Variants in COL16A1 observed in about 807,000 individuals in gnomAD.
COL16A1 encodes the protein collagen type XVI alpha 1 chain.
A neutral mutation model predicts 266.3 loss-of-function variants in COL16A1; 189 were observed. The ratio of observed to expected loss-of-function variants is 0.71; its 90% CI spans 0.63 to 0.80. The LOEUF (loss-of-function observed/expected upper bound fraction) is 0.80, where lower values mean the gene tolerates loss of function less well. COL16A1 is among the 30% of genes least tolerant of loss of function. COL16A1 has a pLI of 0.00. For missense variants in COL16A1, 1,928 were observed against 2,122.4 expected, an observed-to-expected ratio of 0.91 and a Z score of 1.80; for synonymous variants, 740 against 782.3, an observed-to-expected ratio of 0.95 and a Z score of 0.90.
At chr1:31,666,234 C>A in intron 52 of COL16A1, 153 bp from the exon 53 acceptor site, 1 of 800,660 alleles carries the variant, frequency 1.2e-6, no homozygotes. Context: ...GCTCAGGCTT[C>A]CCTGCTCTTG....
At chr1:31,674,525 T>G (rs1643014180) in intron 44 of COL16A1, among the ~76,000 whole-genome samples, 1 of 152,230 alleles carries the variant, frequency 6.6e-6, no homozygotes, top group Admixed American at 6.5e-5. Context: ...CGAAGTCCCC[T>G]TTCTTAGACT....
intron 11 of COL16A1, 142 bp from the exon 12 acceptor site, chr1:31,694,312 A>G: frequency 1.7e-6 from 1 of 592,578 alleles, no homozygotes; most frequent in South Asian, 2.8e-5. Flanking sequence ...TCTGCTTCCC[A>G]GGCAAACTAG....
intron 11 of COL16A1, among the ~76,000 whole-genome samples, chr1:31,694,926 C>T (rs1047583783): frequency 3.3e-5 from 5 of 152,216 alleles, no homozygotes; most frequent in African/African-American, 1.2e-4. Context: ...CTGGTCCTGC[C>T]GGCCACCATC....
In COL16A1 at chr1:31,672,767, T is replaced by C; in HGVS notation, c.2933A>G (p.Asp978Gly). The change falls in exon 45 of 71, where the codon GAC (aspartate) becomes GGC (glycine). Residue 978 changes from aspartate to glycine, a missense_variant. Transcript: ENST00000373672. ...GYLVEKGEKG[D>G]QGIPGVPGLD... ...GCCTGGCACACCAGGGATGCCCTGG[T>C]CTCCCTTCTCTCCCTTCTCCACGAG... 1 of 1,614,128 alleles carries C rather than the reference T, an allele frequency of 6.2e-7. No individual in the cohort carries two copies. Among genetic ancestry groups the C allele is most frequent in the Non-Finnish European group, 8.5e-7 (1 of 1,179,990 alleles).
chr1:31,698,252 C>T lies in COL16A1; in HGVS notation c.391-80G>A. On this transcript the variant is annotated intron_variant, in intron 5 of 70. Transcript: ENST00000373672. This position sits in a 1 kb window ranked among gnomAD's most constrained non-coding sequence, Gnocchi z 4.1. ...CATGGGCACGTTCAGGGACCTTGAACTCATTTCACAGGAGGGGAACTGAGG... is the reference window on the plus strand; with the variant it reads ...CATGGGCACGTTCAGGGACCTTGAATTCATTTCACAGGAGGGGAACTGAGG... 6.3e-7 allele frequency: 1 copy of T among 1,575,322 alleles called. No homozygotes were observed.
Position 31,688,231 on chromosome 1 carries a change from C to T in COL16A1, c.1803+236G>A, listed in dbSNP as rs1385293411. 6.6e-6 allele frequency among the ~76,000 whole-genome samples: 1 copy of T among 152,058 alleles called. No individual in the cohort carries two copies. Among genetic ancestry groups the T allele is most frequent in the Non-Finnish European group, 1.5e-5 (1 of 68,014 alleles). On this transcript the variant is annotated intron_variant, in intron 26 of 70. Transcript: ENST00000373672. This position sits in a 1 kb window ranked among gnomAD's most constrained non-coding sequence, Gnocchi z 4.9. Reference sequence around the variant, plus strand: ...ATATAATAAGGTAATCTTGAATGTGCTTAATAGTTTTAGAATATCATCACA... The same window carrying T: ...ATATAATAAGGTAATCTTGAATGTGTTTAATAGTTTTAGAATATCATCACA...
intron 49 of COL16A1, among the ~76,000 whole-genome samples, 179 bp from the exon 50 acceptor site, chr1:31,669,034 TGGA>T (rs1199730959): frequency 6.6e-6 from 1 of 151,808 alleles, no homozygotes; most frequent in African/African-American, 2.4e-5. Context: ...GGATGACTGG[TGGA>T]GGTGTGAACC....
Position 31,688,402 on chromosome 1 carries a change from A to G in COL16A1, c.1803+65T>C. ...TATATTACCCTTATTCCCCGCCCGC[A>G]CCACTCCTCCCCTGCCTGCCTGCCA... On this transcript the variant is annotated intron_variant, in intron 26 of 70. Transcript: ENST00000373672. This position sits in a 1 kb window ranked among gnomAD's most constrained non-coding sequence, Gnocchi z 4.9. 1 of 1,573,580 alleles carries G rather than the reference A, an allele frequency of 6.4e-7. No homozygotes were observed. The highest frequency in any genetic ancestry group is 8.7e-7 in the Non-Finnish European group (1 of 1,143,360).
chr1:31,662,668 A>G lies in COL16A1; in HGVS notation c.3556-10T>C. ...GAATCCCTTCGCTGCCCTGGAAACCAGCGCCGCCCCCCCCCCCCGCCCCAC... is the reference window on the plus strand; with the variant it reads ...GAATCCCTTCGCTGCCCTGGAAACCGGCGCCGCCCCCCCCCCCCGCCCCAC... On this transcript the variant is annotated splice_polypyrimidine_tract_variant and intron_variant, in intron 56 of 70. Coordinates refer to ENST00000373672, the MANE Select transcript of COL16A1 (RefSeq NM_001856.4). The G allele has an allele frequency of 1.6e-5, 22 of 1,407,744 alleles. No individual in the cohort carries two copies. Among genetic ancestry groups the G allele is most frequent in the Non-Finnish European group, 1.9e-5 (20 of 1,035,138 alleles). The allele number at this position is 1,407,744 out of a possible 1,614,324, so 87.2% of individuals were successfully genotyped here. A position where few individuals can be genotyped will look rare whatever the true frequency, so the allele number is the denominator to read the frequency against.
At chr1:31,684,681 G>A (rs779954981) in intron 30 of COL16A1, 51 bp from the exon 31 acceptor site, 6 of 1,607,910 alleles carry the variant, frequency 3.7e-6, no homozygotes, top group Non-Finnish European at 4.3e-6. Flanking sequence ...CCGGGGGCAG[G>A]TTGCCCCCCT....
rs970002938 is a variant in COL16A1, at chr1:31,680,064, T to A, written c.2648A>T (p.Asp883Val). The stretch of plus-strand genomic sequence containing the variant: ...TACCGGCATGCCAGAGAAGATGAGG[T>A]CTCCTTGAGAGGGGCAGGAGCACTC... ...PGECSCPSQGDLIFSGMPGAP... is the reference protein window; with the variant it reads ...PGECSCPSQGVLIFSGMPGAP... The change falls in exon 40 of 71, where the codon GAC becomes GTC. Residue 883 changes from aspartate to valine, a missense_variant. Transcript: ENST00000373672. The A allele has an allele frequency of 1.2e-6, 2 of 1,613,424 alleles. No individual in the cohort carries two copies. The highest frequency in any genetic ancestry group is 2.7e-5 in the African/African-American group (2 of 74,734).
In COL16A1 at chr1:31,656,217, C is replaced by G. The variant is rs1032586418; in HGVS notation, c.4101+183G>C. 4.5e-5 allele frequency: 41 copies of G among 910,642 alleles called. No homozygotes were observed. Among genetic ancestry groups the G allele is most frequent in the South Asian group, 3.3e-4 (19 of 58,368 alleles). The allele number at this position is 910,642 out of a possible 1,614,324, so 56.4% of individuals were successfully genotyped here. ...AAATGAACTGGAGATTTCCTTCCCC[C>G]CAACCACAGCTAATGACCCCATGTG... On this transcript the variant is annotated intron_variant, in intron 66 of 70. Coordinates refer to ENST00000373672, the MANE Select transcript of COL16A1 (RefSeq NM_001856.4). The surrounding 1 kb of genome is among the most constrained non-coding windows in gnomAD (Gnocchi z 4.2).
intron 56 of COL16A1, 77 bp downstream of exon 56, chr1:31,665,095 G>A (rs1277088634): frequency 2.6e-6 from 4 of 1,563,192 alleles, no homozygotes; most frequent in Non-Finnish European, 3.4e-6. Context: ...CTGAAAGCCT[G>A]ATGCTAGGGG....
In COL16A1 at chr1:31,665,634, A is replaced by G; in HGVS notation, c.3457-16T>C. On this transcript the variant is annotated splice_polypyrimidine_tract_variant and intron_variant, in intron 54 of 70. Coordinates refer to ENST00000373672, the MANE Select transcript of COL16A1 (RefSeq NM_001856.4). ...CTTGAAATCCCTAGGGTGAGAAGCA[A>G]GGGGCAGTGTGCTGTGCCACCCCCT... 2 of 1,612,946 alleles carry G rather than the reference A, an allele frequency of 1.2e-6. No homozygotes were observed. The highest frequency in any genetic ancestry group is 2.2e-5 in the South Asian group (2 of 90,904).
intron 64 of COL16A1, among the ~76,000 whole-genome samples, chr1:31,658,086 G>A (rs182185382): frequency 6.6e-6 from 1 of 152,228 alleles, no homozygotes; most frequent in Non-Finnish European, 1.5e-5. Flanking sequence ...AGTGTTAAAC[G>A]TGAGCTGAGA....
In COL16A1 at chr1:31,685,588, A is replaced by G; in HGVS notation, c.2016+51T>C. The G allele has an allele frequency of 6.4e-7, 1 of 1,571,946 alleles. No individual in the cohort carries two copies. The highest frequency in any genetic ancestry group is 8.7e-7 in the Non-Finnish European group (1 of 1,155,038). ...CAGGCAGGACCCCTCCCCTCTCCTT[A>G]GCCCCGCCTGCATCCCCCGTCCAGA... On this transcript the variant is annotated intron_variant, in intron 29 of 70. Coordinates refer to ENST00000373672, the MANE Select transcript of COL16A1 (RefSeq NM_001856.4). The surrounding 1 kb of genome is among the most constrained non-coding windows in gnomAD (Gnocchi z 4.0).
rs768605433 is a variant in COL16A1, at chr1:31,679,554, T to C, written c.2772+78A>G. On this transcript the variant is annotated intron_variant, in intron 42 of 70. Transcript: ENST00000373672. Reference sequence around the variant, plus strand: ...TTTTTGGGGTGGGGGAGCAGCATCCTTGGGGTCCAGCCGGGAGCAGCCATC... The same window carrying C: ...TTTTTGGGGTGGGGGAGCAGCATCCCTGGGGTCCAGCCGGGAGCAGCCATC... 4 of 1,613,998 alleles carry C rather than the reference T, an allele frequency of 2.5e-6. No individual in the cohort carries two copies. The South Asian group carries it at 4.4e-5, about 18-fold the overall frequency.
intron 40 of COL16A1, 44 bp from the exon 41 acceptor site, chr1:31,679,895 G>T (rs905480076): frequency 6.6e-7 from 1 of 1,510,130 alleles, no homozygotes; most frequent in East Asian, 2.4e-5. Flanking sequence ...GAGGTTATAG[G>T]CAACGTCTAC....
At position 31,689,863 on chromosome 1, in the gene COL16A1, G is replaced by A. The variant is rs1644176031; in HGVS notation, c.1510-12C>T. The A allele has an allele frequency of 1.2e-5, 19 of 1,612,424 alleles. No homozygotes were observed. Among genetic ancestry groups the A allele is most frequent in the Admixed American group, 3.3e-5 (2 of 60,012 alleles). Reference sequence around the variant, plus strand: ...TCACAGGGGTCACCCTAGCAGAAGGGAGAGGCAGTATGTGGACAGGGTGGG... The same window carrying A: ...TCACAGGGGTCACCCTAGCAGAAGGAAGAGGCAGTATGTGGACAGGGTGGG... On this transcript the variant is annotated splice_polypyrimidine_tract_variant and intron_variant, in intron 22 of 70. Transcript: ENST00000373672.
Sources: allele counts gnomAD v4.1 joint callset (sites outside exome capture counted in the v4.1 genomes callset), GRCh38; gene constraint gnomAD v4.1.1; non-coding constraint Gnocchi (gnomAD v3.1); transcripts MANE v1.5; gene names NCBI Gene and HGNC (gene_info 2026-07-23, HGNC 2026-07-21).